Variants in PCDHGA6 observed in about 807,000 individuals in gnomAD.
PCDHGA6 encodes protocadherin gamma-A6.
Under a neutral mutation model 60.6 loss-of-function variants are expected in PCDHGA6, and 41 were observed. That is an observed-to-expected ratio of 0.68 (90% CI 0.53 to 0.88). PCDHGA6 has a LOEUF of 0.88. PCDHGA6 is among the 40% of genes least tolerant of loss of function. The pLI is 0.00. For missense variants in PCDHGA6, 1,312 were observed against 1,203.0 expected (o/e 1.09, Z -1.34); for synonymous variants, 594 against 524.4 (o/e 1.13, Z -1.81).
chr5:141,387,614 T>C (rs2091011587), intron 1 of PCDHGA6: 9 of 565,798 alleles, frequency 1.6e-5, no homozygotes, highest in Non-Finnish European at 2.8e-5. Flanking sequence ...TGTAGTTTCC[T>C]AGTGCTGACT....
At chr5:141,423,395 C>G (rs1249200485) in intron 1 of PCDHGA6, 1 of 1,614,060 alleles carries the variant, frequency 6.2e-7, no homozygotes, top group Non-Finnish European at 8.5e-7. Context: ...TGGCATAAGT[C>G]ACGCCTGCTG....
intron 1 of PCDHGA6, chr5:141,403,682 C>T (rs1456832899): frequency 1.3e-5 from 21 of 1,613,810 alleles, no homozygotes; most frequent in Non-Finnish European, 1.1e-5. Flanking sequence ...GGTTTTTGCT[C>T]AACGGATTTA....
At chr5:141,423,256 G>A (rs751894091) in intron 1 of PCDHGA6, 3 of 1,613,816 alleles carry the variant, frequency 1.9e-6, no homozygotes, top group South Asian at 2.2e-5. Context: ...GGCGGACCTC[G>A]GCAGCCTCGA....
At chr5:141,383,115 G>A (rs1588935536) in intron 1 of PCDHGA6, 4 of 1,614,078 alleles carry the variant, frequency 2.5e-6, no homozygotes, top group Non-Finnish European at 2.5e-6. Context: ...GAGGTAGGAC[G>A]CAGCTTTTCG....
chr5:141,389,248 A>G (rs757462176), intron 1 of PCDHGA6: 45 of 1,613,918 alleles, frequency 2.8e-5, no homozygotes, highest in African/African-American at 6.7e-5. Flanking sequence ...CAGTCTTCCT[A>G]TATAGTCCAC....
In PCDHGA6 at chr5:141,432,330, A is replaced by G. The variant is rs760184218; in HGVS notation, c.2424+55823A>G. 82 of 1,614,134 alleles carry G rather than the reference A, an allele frequency of 5.1e-5. No individual in the cohort carries two copies. The highest frequency in any genetic ancestry group is 6.8e-5 in the Non-Finnish European group (80 of 1,180,048). Reference sequence around the variant, plus strand: ...GCGCTGAGCTCCTTCGACTACGAGCAGTTCCGAGACTTGCAAGTGAAAGTG... The same window carrying G: ...GCGCTGAGCTCCTTCGACTACGAGCGGTTCCGAGACTTGCAAGTGAAAGTG... On this transcript the variant is annotated intron_variant, in intron 1 of 3. Transcript: ENST00000517434. The surrounding 1 kb of genome is among the most constrained non-coding windows in gnomAD (Gnocchi z 6.0).
intron 2 of PCDHGA6, among the ~76,000 whole-genome samples, chr5:141,501,751 C>G (rs188896150): frequency 1.4e-3 from 218 of 152,250 alleles, no homozygotes; most frequent in South Asian, 3.1e-3. Flanking sequence ...ATAGGAAGCT[C>G]TCAGTAAATG....
In PCDHGA6 at chr5:141,392,992, C is replaced by A. The variant is rs1233401263; in HGVS notation, c.2424+16485C>A. ...CTGGGGCTGGACCCCCGGAAGCTGG[C>A]GAAGCACGGAGTCCGTATCGTCTCC... is the stretch of plus-strand genomic sequence containing the variant. On this transcript the variant is annotated intron_variant, in intron 1 of 3. Transcript: ENST00000517434. 5 of 1,613,818 alleles carry A rather than the reference C, an allele frequency of 3.1e-6. No homozygotes were observed. The Admixed American group carries it at 5.0e-5, about 16-fold the overall frequency.
At chr5:141,505,085 C>A (rs954289918) in intron 2 of PCDHGA6, among the ~76,000 whole-genome samples, 1 of 152,162 alleles carries the variant, frequency 6.6e-6, no homozygotes, top group Non-Finnish European at 1.5e-5. Context: ...TCGCTTGAAC[C>A]CAGGAGGTGG....
chr5:141,432,016 C>G lies in PCDHGA6; in HGVS notation c.2424+55509C>G. 1 of 1,614,202 alleles carries G rather than the reference C, an allele frequency of 6.2e-7. No individual in the cohort carries two copies. The highest frequency in any genetic ancestry group is 1.1e-5 in the South Asian group (1 of 91,082). ...ATAGGGAACAGGTTCCTAGCTACAACATCACAGTGACCGCCACTGACCGGG... is the reference window on the plus strand; with the variant it reads ...ATAGGGAACAGGTTCCTAGCTACAAGATCACAGTGACCGCCACTGACCGGG... On this transcript the variant is annotated intron_variant, in intron 1 of 3. Coordinates refer to ENST00000517434, the MANE Select transcript of PCDHGA6 (RefSeq NM_018919.3). The surrounding 1 kb of genome is among the most constrained non-coding windows in gnomAD (Gnocchi z 6.0).
intron 1 of PCDHGA6, chr5:141,416,335 C>A (rs573998059): frequency 6.6e-6 from 1 of 152,256 alleles, no homozygotes; most frequent in Non-Finnish European, 1.5e-5. Flanking sequence ...ACTTTCATTG[C>A]TCAATAGGGA....
chr5:141,383,405 G>C (rs189408749), intron 1 of PCDHGA6: 11 of 1,613,898 alleles, frequency 6.8e-6, no homozygotes, highest in Non-Finnish European at 8.5e-6. Context: ...TCCCTCCAGA[G>C]TTACCAGCTC....
Position 141,432,694 on chromosome 5 carries a change from C to A in PCDHGA6, c.2424+56187C>A. 1 of 1,613,936 alleles carries A rather than the reference C, an allele frequency of 6.2e-7. No homozygotes were observed. The highest frequency in any genetic ancestry group is 8.5e-7 in the Non-Finnish European group (1 of 1,179,964). On this transcript the variant is annotated intron_variant, in intron 1 of 3. Transcript: ENST00000517434. This position sits in a 1 kb window ranked among gnomAD's most constrained non-coding sequence, Gnocchi z 6.0. Reference sequence around the variant, plus strand: ...CGCTCAAGCAGAGCCTCGTAGTGGCCGTCCAGGACCACGGCCAGCCCCCTC... The same window carrying A: ...CGCTCAAGCAGAGCCTCGTAGTGGCAGTCCAGGACCACGGCCAGCCCCCTC...
chr5:141,394,850 G>C, intron 1 of PCDHGA6: 1 of 1,613,820 alleles, frequency 6.2e-7, no homozygotes, highest in Non-Finnish European at 8.5e-7. Flanking sequence ...GCAGTCTGAA[G>C]CCTTCGGTCG....
At position 141,473,299 on chromosome 5, in the gene PCDHGA6, G is replaced by A. The variant is rs182316672; in HGVS notation, c.2425-21508G>A. The stretch of plus-strand genomic sequence containing the variant: ...TATTTTACTATGTCAGTAGCATAAA[G>A]ATTGCTATATTAATAAGCATTAAGT... On this transcript the variant is annotated intron_variant, in intron 1 of 3. Coordinates refer to ENST00000517434, the MANE Select transcript of PCDHGA6 (RefSeq NM_018919.3). 5.6e-4 allele frequency among the ~76,000 whole-genome samples: 86 copies of A among 152,346 alleles called. 1 individual carries two copies. The highest frequency in any genetic ancestry group is 1.9e-3 in the African/African-American group (81 of 41,572).
chr5:141,394,865 G>T (rs2093117021), intron 1 of PCDHGA6: 1 of 1,613,816 alleles, frequency 6.2e-7, no homozygotes, highest in Non-Finnish European at 8.5e-7. Flanking sequence ...CGGTCGACCC[G>T]AACGATTCGA....
At chr5:141,437,878 C>A (rs1047761465) in intron 1 of PCDHGA6, among the ~76,000 whole-genome samples, 13 of 151,996 alleles carry the variant, frequency 8.6e-5, no homozygotes, top group Non-Finnish European at 1.5e-4. Flanking sequence ...GCTGGGACTA[C>A]AGGCACACGC....
intron 1 of PCDHGA6, among the ~76,000 whole-genome samples, chr5:141,492,118 TC>T (rs1338861093): frequency 6.6e-6 from 1 of 152,176 alleles, no homozygotes; most frequent in Non-Finnish European, 1.5e-5. Flanking sequence ...CTTCGATTTC[TC>T]CCCAGCTCCC....
At position 141,476,851 on chromosome 5, in the gene PCDHGA6, C is replaced by T; in HGVS notation, c.2425-17956C>T. ...CGAATGACAATGCGCCTGTCTTCAA[C>T]CAGTCCTTGTACCGGGCGCGCGTCC... On this transcript the variant is annotated intron_variant, in intron 1 of 3. Transcript: ENST00000517434. This position sits in a 1 kb window ranked among gnomAD's most constrained non-coding sequence, Gnocchi z 7.6. The T allele has an allele frequency of 6.2e-7, 1 of 1,613,836 alleles. No individual in the cohort carries two copies. Among genetic ancestry groups the T allele is most frequent in the Non-Finnish European group, 8.5e-7 (1 of 1,180,046 alleles).
Sources: allele counts gnomAD v4.1 joint callset (sites outside exome capture counted in the v4.1 genomes callset), GRCh38; gene constraint gnomAD v4.1.1; non-coding constraint Gnocchi (gnomAD v3.1); transcripts MANE v1.5; gene names NCBI Gene and HGNC (gene_info 2026-07-23, HGNC 2026-07-21).